Variants in MEIKIN observed in about 807,000 individuals in gnomAD.
The protein encoded by MEIKIN is meiotic kinetochore factor.
At chr5:131,819,432 G>C (rs1278150595) in intron 11 of MEIKIN, among the ~76,000 whole-genome samples, 3 of 99,226 alleles carry the variant, frequency 3.0e-5, no homozygotes, top group Non-Finnish European at 4.2e-5. Context: ...GAGGGAGAGG[G>C]GGAGGGAGAG....
intron 6 of MEIKIN, among the ~76,000 whole-genome samples, chr5:131,917,145 T>C (rs1302854479): frequency 6.6e-6 from 1 of 152,226 alleles, no homozygotes; most frequent in African/African-American, 2.4e-5. Flanking sequence ...TGTATTTGAA[T>C]AGTTCTTTAT....
intron 8 of MEIKIN, among the ~76,000 whole-genome samples, chr5:131,899,232 G>C (rs1053003352): frequency 1.3e-5 from 2 of 152,108 alleles, no homozygotes; most frequent in African/African-American, 2.4e-5. Flanking sequence ...CTTTTCACTT[G>C]TTTGTTTATG....
chr5:131,890,446 T>C (rs1311107536), intron 8 of MEIKIN, among the ~76,000 whole-genome samples: 1 of 151,614 alleles, frequency 6.6e-6, no homozygotes, highest in African/African-American at 2.4e-5. Flanking sequence ...GAGGAACTTA[T>C]CCATTTATGT....
intron 11 of MEIKIN, among the ~76,000 whole-genome samples, chr5:131,830,240 T>A (rs1340413160): frequency 6.6e-6 from 1 of 151,290 alleles, no homozygotes; most frequent in Non-Finnish European, 1.5e-5. Flanking sequence ...AAAAAAAAAA[T>A]ACAAAAATTA....
At chr5:131,854,428 T>C (rs1385000813) in intron 10 of MEIKIN, among the ~76,000 whole-genome samples, 1 of 152,184 alleles carries the variant, frequency 6.6e-6, no homozygotes, top group Non-Finnish European at 1.5e-5. Flanking sequence ...GATGGTTGCA[T>C]AATGATGTGA....
intron 5 of MEIKIN, among the ~76,000 whole-genome samples, chr5:131,925,053 A>G (rs970676715): frequency 1.3e-5 from 2 of 152,182 alleles, no homozygotes; most frequent in African/African-American, 4.8e-5. Flanking sequence ...AGTTTTCCCA[A>G]TAGCATTTGT....
At chr5:131,870,158 C>G (rs1238178249) in intron 9 of MEIKIN, among the ~76,000 whole-genome samples, 1 of 152,062 alleles carries the variant, frequency 6.6e-6, no homozygotes, top group African/African-American at 2.4e-5. Context: ...GTGCCTTTAT[C>G]AAAACATCAC....
At chr5:131,901,945 G>C (rs188739801) in intron 8 of MEIKIN, among the ~76,000 whole-genome samples, 172 of 152,284 alleles carry the variant, frequency 1.1e-3, no homozygotes, top group Non-Finnish European at 2.0e-3. Flanking sequence ...CTAGTGAAAG[G>C]TGATTAGATC....
At chr5:131,814,823 G>A (rs1242485389) in intron 12 of MEIKIN, among the ~76,000 whole-genome samples, 1 of 152,064 alleles carries the variant, frequency 6.6e-6, no homozygotes, top group Non-Finnish European at 1.5e-5. Flanking sequence ...GGCCACAGTG[G>A]CAAGAATGGA....
At chr5:131,825,030 A>AAAGAAG (rs148275513) in intron 11 of MEIKIN, among the ~76,000 whole-genome samples, 10 of 151,600 alleles carry the variant, frequency 6.6e-5, no homozygotes, top group African/African-American at 1.5e-4. Context: ...ACTGAAAAAA[A>AAAGAAG]AAGAAGAAGA....
intron 11 of MEIKIN, among the ~76,000 whole-genome samples, chr5:131,846,976 A>G (rs1359503108): frequency 1.3e-5 from 2 of 152,206 alleles, no homozygotes; most frequent in African/African-American, 2.4e-5. Context: ...TGCTAAATAA[A>G]TTCAAATTAG....
At chr5:131,896,706 C>T (rs984221639) in intron 8 of MEIKIN, among the ~76,000 whole-genome samples, 2 of 152,110 alleles carry the variant, frequency 1.3e-5, no homozygotes, top group Non-Finnish European at 2.9e-5. Context: ...ATTGCAACTA[C>T]TGCTTTTTCT....
intron 9 of MEIKIN, among the ~76,000 whole-genome samples, chr5:131,874,398 G>T (rs1051027371): frequency 6.6e-6 from 1 of 152,212 alleles, no homozygotes; most frequent in Non-Finnish European, 1.5e-5. Context: ...AAATCTAGAA[G>T]AAATGGATAA....
chr5:131,943,766 CTT>C (rs1446364391), intron 3 of MEIKIN, among the ~76,000 whole-genome samples: 1 of 151,926 alleles, frequency 6.6e-6, no homozygotes, highest in African/African-American at 2.4e-5. Flanking sequence ...AAAAAAATGT[CTT>C]GTGTTGAAAC....
chr5:131,860,440 G>GT (rs113508984), intron 9 of MEIKIN, among the ~76,000 whole-genome samples: 3,541 of 150,576 alleles, frequency 0.024, 115 homozygotes, highest in African/African-American at 0.076. Flanking sequence ...TCTAACAGTT[G>GT]TTTTTTTTGT....
chr5:131,852,069 C>T (rs75260572), intron 10 of MEIKIN, among the ~76,000 whole-genome samples: 236 of 152,218 alleles, frequency 1.6e-3, no homozygotes, highest in African/African-American at 5.6e-3. Flanking sequence ...AATTGATAAA[C>T]AAAATATGGT....
At chr5:131,866,696 G>A (rs931773368) in intron 9 of MEIKIN, among the ~76,000 whole-genome samples, 34 of 152,212 alleles carry the variant, frequency 2.2e-4, no homozygotes, top group African/African-American at 7.7e-4. Context: ...CCCCAGGAGG[G>A]AGGGAAGGTG....
intron 9 of MEIKIN, among the ~76,000 whole-genome samples, chr5:131,862,342 C>T (rs1327054688): frequency 1.3e-5 from 2 of 151,902 alleles, no homozygotes; most frequent in Non-Finnish European, 2.9e-5. Flanking sequence ...CTCTTCTTTC[C>T]TTGGTTAATC....
At chr5:131,905,859 C>T (rs1377648476) in intron 8 of MEIKIN, among the ~76,000 whole-genome samples, 5 of 152,106 alleles carry the variant, frequency 3.3e-5, no homozygotes, top group African/African-American at 9.7e-5. Context: ...CTTCCTTACA[C>T]CATAAACAGA....
Sources: gnomAD v4.1 joint callset for allele counts (sites outside exome capture counted in the v4.1 genomes callset) on GRCh38, gnomAD v4.1.1 for gene constraint, MANE v1.5 for transcripts, NCBI Gene and HGNC (gene_info 2026-07-23, HGNC 2026-07-21) for gene names.